The following ZNF618 variants were observed in gnomAD, a reference collection of about 807,000 sequenced individuals.
ZNF618 encodes neural precursor cell expressed, developmentally down-regulated 10.
ZNF618 carries 34 observed loss-of-function variants against 103.0 expected under a neutral mutation model. That is an observed-to-expected ratio of 0.33 (90% CI 0.25 to 0.44). The LOEUF is 0.44. Ranked by LOEUF, ZNF618 falls within the 20% of genes least tolerant of loss-of-function variation. The pLI is 1.00. For synonymous variants in ZNF618, 551 were observed against 542.2 expected (o/e 1.02, Z -0.23); for missense variants, 1,059 against 1,295.4 (o/e 0.82, Z 2.80).
At chr9:113,960,965 C>T (rs1208222963) in intron 1 of ZNF618, among the ~76,000 whole-genome samples, 1 of 152,216 alleles carries the variant, frequency 6.6e-6, no homozygotes, top group Non-Finnish European at 1.5e-5. Context: ...TCAGAGAAGG[C>T]TACAACCCAG....
At chr9:113,936,320 C>T (rs1043482385) in intron 1 of ZNF618, among the ~76,000 whole-genome samples, 1 of 152,230 alleles carries the variant, frequency 6.6e-6, no homozygotes, top group Admixed American at 6.5e-5. Context: ...AAGCTACTCC[C>T]TGATGGTGGT....
intron 13 of ZNF618, among the ~76,000 whole-genome samples, chr9:114,041,810 G>A (rs960542259): frequency 9.9e-5 from 15 of 152,134 alleles, no homozygotes; most frequent in Non-Finnish European, 1.8e-4. Flanking sequence ...TTGGCAATGC[G>A]GGCTCTTTTT....
intron 2 of ZNF618, among the ~76,000 whole-genome samples, chr9:113,971,218 G>C (rs1346957637): frequency 6.6e-6 from 1 of 152,096 alleles, no homozygotes; most frequent in African/African-American, 2.4e-5. Flanking sequence ...AGGAAATCAG[G>C]ACTGAAAGGG....
intron 1 of ZNF618, among the ~76,000 whole-genome samples, chr9:113,933,019 A>G (rs952280451): frequency 5.9e-5 from 9 of 152,206 alleles, no homozygotes; most frequent in Non-Finnish European, 1.2e-4. Flanking sequence ...AGGAGCAACC[A>G]GCGAGGTGGG....
intron 2 of ZNF618, among the ~76,000 whole-genome samples, chr9:113,981,075 G>A (rs759759212): frequency 6.6e-6 from 1 of 152,216 alleles, no homozygotes; most frequent in African/African-American, 2.4e-5. Flanking sequence ...GTGTGTTAAT[G>A]CATTTAACAT....
At chr9:113,897,718 C>T (rs1358799638) in intron 1 of ZNF618, among the ~76,000 whole-genome samples, 2 of 152,138 alleles carry the variant, frequency 1.3e-5, no homozygotes, top group Admixed American at 6.6e-5. Flanking sequence ...TTTTCCTTTG[C>T]ATCACTTACT....
At chr9:113,977,468 C>T (rs182193460) in intron 2 of ZNF618, among the ~76,000 whole-genome samples, 1 of 152,084 alleles carries the variant, frequency 6.6e-6, no homozygotes, top group Admixed American at 6.5e-5. Flanking sequence ...GGTTGAGCTC[C>T]CTGACTTCTG....
intron 13 of ZNF618, among the ~76,000 whole-genome samples, chr9:114,045,345 T>A (rs1845564514): frequency 6.6e-6 from 1 of 152,116 alleles, no homozygotes; most frequent in African/African-American, 2.4e-5. Flanking sequence ...AATTTTATAC[T>A]TTTAGCTCTT....
chr9:113,924,568 T>C (rs1832915570), intron 1 of ZNF618, among the ~76,000 whole-genome samples: 1 of 151,686 alleles, frequency 6.6e-6, no homozygotes, highest in African/African-American at 2.4e-5. Flanking sequence ...CTAATTTTTA[T>C]GATTTCTTCT....
intron 1 of ZNF618, among the ~76,000 whole-genome samples, chr9:113,945,185 T>C (rs1447814014): frequency 6.6e-6 from 1 of 152,140 alleles, no homozygotes; most frequent in Non-Finnish European, 1.5e-5. Context: ...CCCTCACACA[T>C]GCTGTTCCCA....
At position 113,968,963 on chromosome 9, in the gene ZNF618, G is replaced by C. The variant is rs182843968; in HGVS notation, c.34-154G>C. Among the ~76,000 whole-genome samples the C allele has an allele frequency of 2.6e-5, 4 of 152,292 alleles. No homozygotes were observed. The East Asian group carries it at 7.7e-4, about 29-fold the overall frequency. On this transcript the variant is annotated intron_variant, in intron 1 of 14. Coordinates refer to ENST00000374126, the MANE Select transcript of ZNF618 (RefSeq NM_001318042.2). The stretch of plus-strand genomic sequence containing the variant: ...GACTCCCTCTTACCACTGGGCACAA[G>C]TTTGTCCAGCCTGGAGGAGCGGGAC...
intron 1 of ZNF618, among the ~76,000 whole-genome samples, chr9:113,957,577 G>A (rs1023261449): frequency 3.9e-5 from 6 of 152,262 alleles, no homozygotes; most frequent in East Asian, 1.9e-4. Flanking sequence ...TGGTGAGGCC[G>A]TCCAGACATG....
At chr9:114,021,291 T>G (rs1051285263) in intron 10 of ZNF618, among the ~76,000 whole-genome samples, 3 of 152,146 alleles carry the variant, frequency 2.0e-5, no homozygotes, top group Non-Finnish European at 4.4e-5. Context: ...ATGTATACAT[T>G]GTGGAATAAC....
intron 10 of ZNF618, among the ~76,000 whole-genome samples, chr9:114,017,829 G>A (rs1444054673): frequency 6.6e-6 from 1 of 152,160 alleles, no homozygotes; most frequent in Non-Finnish European, 1.5e-5. Flanking sequence ...CAAGGGTATT[G>A]GATAGGGAGG....
chr9:113,948,607 G>C (rs920346346), intron 1 of ZNF618, among the ~76,000 whole-genome samples: 1 of 152,210 alleles, frequency 6.6e-6, no homozygotes, highest in Non-Finnish European at 1.5e-5. Flanking sequence ...TTATTTAACT[G>C]GATGTGCCTG....
rs751004877 is a variant in ZNF618 at position 114,002,071 on chromosome 9, G to T, written c.509G>T (p.Arg170Leu). 2 of 1,612,376 alleles carry T rather than the reference G, an allele frequency of 1.2e-6. No individual in the cohort carries two copies. The highest frequency in any genetic ancestry group is 1.7e-6 in the Non-Finnish European group (2 of 1,179,694). The change falls in exon 5 of 15, where the codon CGA becomes CTA. Residue 170 changes from arginine to leucine, a missense_variant and splice_region_variant. By Grantham distance (102) the Arg-to-Leu change is moderately radical. Transcript: ENST00000374126. ...TTCCAGACCCACGTGCGGGCGCACCGAGGTGAGAGGAGTGTCCCTGGGGCA... is the reference window on the plus strand; with the variant it reads ...TTCCAGACCCACGTGCGGGCGCACCTAGGTGAGAGGAGTGTCCCTGGGGCA... The part of the protein sequence containing the change: ...NCFQTHVRAH[R>L]DTEATSGEGA...
intron 2 of ZNF618, among the ~76,000 whole-genome samples, chr9:113,987,871 GAAC>G (rs1255865171): frequency 6.6e-6 from 1 of 150,520 alleles, no homozygotes; most frequent in African/African-American, 2.5e-5. Flanking sequence ...CCCTACCCCA[GAAC>G]AGCTGAGCCA....
chr9:113,929,574 G>A (rs902980397), intron 1 of ZNF618, among the ~76,000 whole-genome samples: 4 of 152,318 alleles, frequency 2.6e-5, no homozygotes, highest in Admixed American at 2.6e-4. Flanking sequence ...GGGAGACAGG[G>A]ATACAGTAAG....
intron 11 of ZNF618, among the ~76,000 whole-genome samples, chr9:114,030,132 C>A (rs1291828409): frequency 3.3e-5 from 5 of 152,182 alleles, no homozygotes; most frequent in African/African-American, 1.2e-4. Context: ...GACAACCCAG[C>A]CGAGTGATTA....
Sources: gnomAD v4.1 joint callset for allele counts (sites outside exome capture counted in the v4.1 genomes callset) on GRCh38, gnomAD v4.1.1 for gene constraint, MANE v1.5 for transcripts, NCBI Gene and HGNC (gene_info 2026-07-23, HGNC 2026-07-21) for gene names.